Variants in TIMM8A observed in about 807,000 individuals in gnomAD.
TIMM8A encodes translocase of inner mitochondrial membrane 8A.
In TIMM8A, 2 loss-of-function variants were observed where a neutral mutation model predicts 6.8. That is an observed-to-expected ratio of 0.30 (90% CI 0.12 to 0.93). The LOEUF (loss-of-function observed/expected upper bound fraction) is 0.93, where lower values mean the gene tolerates loss of function less well. Ranked by LOEUF, TIMM8A falls within the 40% of genes least tolerant of loss-of-function variation. The pLI, the probability that TIMM8A is intolerant of heterozygous loss-of-function variation, is 0.55. For synonymous variants in TIMM8A, 26 were observed against 28.5 expected (o/e 0.91, Z 0.28); for missense variants, 34 against 75.2 (o/e 0.45, Z 2.02).
In TIMM8A at chrX:101,345,934, C is replaced by T. The variant is rs1926056290; in HGVS notation, c.*565G>A. On this transcript the variant is annotated 3_prime_UTR_variant, in exon 2 of 2. Coordinates refer to ENST00000372902, the MANE Select transcript of TIMM8A (RefSeq NM_004085.4). ...GGCCTCTAGACTCTCAGGCTGCCTA[C>T]CCTACCTTGAGACTTACTTAATATG... 2 of 752,909 alleles carry T rather than the reference C, an allele frequency of 2.7e-6. No homozygotes were observed. Among genetic ancestry groups the T allele is most frequent in the Admixed American group, 8.8e-5 (1 of 11,408 alleles). 62.0% of individuals were successfully genotyped at this position (752,909 alleles called of 1,213,427 possible). A position where few individuals can be genotyped will look rare whatever the true frequency, so the allele number is the denominator to read the frequency against.
intron 1 of TIMM8A, 86 bp from the exon 2 acceptor site, chrX:101,346,746 G>GAAA: frequency 1.0e-6 from 1 of 995,165 alleles, no homozygotes; most frequent in Non-Finnish European, 1.4e-6. Context: ...GTTGCTTAGA[G>GAAA]AAAAAAAAAC....
chrX:101,347,574 T>C (rs1268009152), intron 1 of TIMM8A: 1 of 111,080 alleles, frequency 9.0e-6, no homozygotes. Flanking sequence ...ATTCTTGCAA[T>C]AGTACTTAAC....
chrX:101,348,264 T>C (rs1926130688), intron 1 of TIMM8A: 1 of 1,151,325 alleles, frequency 8.7e-7, no homozygotes, highest in African/African-American at 1.8e-5. Context: ...CAACCTCGGG[T>C]GCCTGAAAGT....
rs1361590386 is a variant in TIMM8A, at chrX:101,348,182, C to T, written c.132+351G>A. On this transcript the variant is annotated intron_variant, in intron 1 of 1. Coordinates refer to ENST00000372902, the MANE Select transcript of TIMM8A (RefSeq NM_004085.4). Reference sequence around the variant, plus strand: ...TCACTGATTCACTGACTCTCTGGGACTCGGGCTGCCAAAAATAAAATCCCA... The same window carrying T: ...TCACTGATTCACTGACTCTCTGGGATTCGGGCTGCCAAAAATAAAATCCCA... 5 of 1,087,771 alleles carry T rather than the reference C, an allele frequency of 4.6e-6. No homozygotes were observed. The African/African-American group carries it at 9.5e-5, about 21-fold the overall frequency. 89.6% of individuals were successfully genotyped at this position (1,087,771 alleles called of 1,213,427 possible). A position where few individuals can be genotyped will look rare whatever the true frequency, so the allele number is the denominator to read the frequency against.
At chrX:101,346,712 G>A (rs782604959) in intron 1 of TIMM8A, 52 bp from the exon 2 acceptor site, 8 of 1,169,160 alleles carry the variant, frequency 6.8e-6, no homozygotes, top group Admixed American at 2.3e-5. Context: ...AGAAAAAGAC[G>A]GTTGGGGGCA....
At chrX:101,346,712 G>C (rs782604959) in intron 1 of TIMM8A, 52 bp from the exon 2 acceptor site, 1 of 1,170,886 alleles carries the variant, frequency 8.5e-7, no homozygotes, top group East Asian at 3.0e-5. Context: ...AGAAAAAGAC[G>C]GTTGGGGGCA....
At chrX:101,348,429 T>TGGGGGGGG in intron 1 of TIMM8A, 104 bp downstream of exon 1, 2 of 550,861 alleles carry the variant, frequency 3.6e-6, no homozygotes, top group Non-Finnish European at 5.9e-6. Flanking sequence ...TGCTGCCAGG[T>TGGGGGGGG]GCCCGCCCCC....
chrX:101,347,359 C>T (rs1456816623), intron 1 of TIMM8A: 2 of 109,041 alleles, frequency 1.8e-5, no homozygotes, highest in African/African-American at 6.7e-5. Flanking sequence ...CCGCCAGGTT[C>T]AAGCCATTCT....
At chrX:101,346,818 T>A (rs1051932940) in intron 1 of TIMM8A, 158 bp from the exon 2 acceptor site, 2 of 476,641 alleles carry the variant, frequency 4.2e-6, no homozygotes, top group Middle Eastern at 5.8e-4. Context: ...TGACCAAGTA[T>A]ATAGCAATGT....
chrX:101,346,703 G>A (rs781967393), intron 1 of TIMM8A, 43 bp from the exon 2 acceptor site: 4 of 1,189,724 alleles, frequency 3.4e-6, no homozygotes, highest in Admixed American at 4.5e-5. Context: ...AACTTGGAAA[G>A]AAAAAGACGG....
chrX:101,346,762 C>T, intron 1 of TIMM8A, 102 bp from the exon 2 acceptor site: 1 of 870,162 alleles, frequency 1.1e-6, no homozygotes, highest in Non-Finnish European at 1.6e-6. Flanking sequence ...AAAACTTTAC[C>T]TAAAAATAAT....
At chrX:101,347,275 CTT>C (rs782786272) in intron 1 of TIMM8A, 3 of 102,373 alleles carry the variant, frequency 2.9e-5, no homozygotes, top group Non-Finnish European at 4.0e-5. Context: ...CTTTTCTTTT[CTT>C]TTTTTTTTTT....
rs1926067931 is a variant in TIMM8A, at chrX:101,346,309, A to G, written c.*190T>C. The G allele has an allele frequency of 2.7e-6, 3 of 1,107,217 alleles. No individual in the cohort carries two copies. In the Admixed American group the frequency reaches 1.1e-4, roughly 39 times the overall value. The allele number at this position is 1,107,217 out of a possible 1,213,427, so 91.2% of individuals were successfully genotyped here. On this transcript the variant is annotated 3_prime_UTR_variant, in exon 2 of 2. Transcript: ENST00000372902. ...ATTTTCACAAGATTAGCATTAAAAA[A>G]TACAAGCAAACATATGACCCTTAAG...
chrX:101,347,550 C>A (rs970819492), intron 1 of TIMM8A: 1 of 111,404 alleles, frequency 9.0e-6, no homozygotes, highest in Non-Finnish European at 1.9e-5. Flanking sequence ...GCCACCGCGC[C>A]GGGCAGCTTA....
intron 1 of TIMM8A, chrX:101,348,051 A>G: frequency 1.1e-6 from 1 of 943,373 alleles, no homozygotes; most frequent in South Asian, 3.6e-5. Context: ...GTTGGAAGAG[A>G]TTACACCACT....
At chrX:101,348,006 A>C (rs1383787554) in intron 1 of TIMM8A, 1 of 839,142 alleles carries the variant, frequency 1.2e-6, no homozygotes, top group Non-Finnish European at 1.4e-6. Context: ...TTGGTATTAC[A>C]CAACAATCCA....
intron 1 of TIMM8A, chrX:101,348,239 A>C: frequency 8.9e-7 from 1 of 1,128,029 alleles, no homozygotes; most frequent in South Asian, 2.1e-5. Context: ...CTTGGTGACC[A>C]GCACTAGGCA....
At position 101,346,637 on chromosome X, in the gene TIMM8A, C is replaced by T. The variant is rs2147416137; in HGVS notation, c.156G>A (p.Gly52=). The change falls in exon 2 of 2, where the codon GGG becomes GGA. Residue 52 remains glycine, a synonymous_variant. Transcript: ENST00000372902. ...CCTCAGCCCGACTGTCCAACTTTGG[C>T]CCAGGCTTGTCCATGCACTTCTCCT... ...LCWEKCMDKP[G]PKLDSRAEAC... 8.3e-7 allele frequency: 1 copy of T among 1,211,966 alleles called. No homozygotes were observed.
At position 101,345,834 on chromosome X, in the gene TIMM8A, G is replaced by A. The variant is rs1246665825; in HGVS notation, c.*665C>T. The stretch of plus-strand genomic sequence containing the variant: ...GAATTTTTTGTACCCTGATATACAG[G>A]GTAAGTTAATTTCTTCCTTGTGGCA... On this transcript the variant is annotated 3_prime_UTR_variant, in exon 2 of 2. Coordinates refer to ENST00000372902, the MANE Select transcript of TIMM8A (RefSeq NM_004085.4). 33 of 751,112 alleles carry A rather than the reference G, an allele frequency of 4.4e-5. No homozygotes were observed. Among genetic ancestry groups the A allele is most frequent in the Non-Finnish European group, 5.2e-5 (33 of 638,351 alleles). The allele number at this position is 751,112 out of a possible 1,213,427, so 61.9% of individuals were successfully genotyped here.
Sources: gnomAD v4.1 joint callset for allele counts on GRCh38, gnomAD v4.1.1 for gene constraint, MANE v1.5 for transcripts, NCBI Gene and HGNC (gene_info 2026-07-23, HGNC 2026-07-21) for gene names.